The following ATG7 variants were observed in gnomAD, a reference collection of about 807,000 sequenced individuals.
ATG7 encodes autophagy related 7, also known as ubiquitin-like modifier-activating enzyme ATG7.
A neutral mutation model predicts 82.4 loss-of-function variants in ATG7; 70 were observed. That is an observed-to-expected ratio of 0.85 (90% CI 0.70 to 1.04). ATG7 has a LOEUF of 1.04. ATG7 is among the 50% of genes least tolerant of loss of function. The pLI is 0.00. For missense variants in ATG7, 792 were observed against 864.3 expected (o/e 0.92, Z 1.05); for synonymous variants, 287 against 313.0 (o/e 0.92, Z 0.88).
intron 20 of ATG7, among the ~76,000 whole-genome samples, chr3:11,504,162 A>T (rs1559764983): frequency 1.3e-5 from 2 of 152,212 alleles, no homozygotes; most frequent in Non-Finnish European, 2.9e-5. Context: ...GGGGGAAAAA[A>T]GTTGATATAC....
intron 19 of ATG7, among the ~76,000 whole-genome samples, chr3:11,421,063 CT>C (rs893849660): frequency 6.6e-6 from 1 of 151,258 alleles, no homozygotes; most frequent in Non-Finnish European, 1.5e-5. Flanking sequence ...CCACAAAATA[CT>C]TTTTTTTTGC....
intron 20 of ATG7, among the ~76,000 whole-genome samples, chr3:11,540,909 G>A (rs113150997): frequency 2.3e-5 from 3 of 128,516 alleles, no homozygotes; most frequent in Admixed American, 7.9e-5. Context: ...GCTTTTTTTG[G>A]GGGGGGGAGG....
At chr3:11,574,913 C>A in the ATG7 span, among the ~76,000 whole-genome samples, 2 of 151,646 alleles carry the variant, frequency 1.3e-5, no homozygotes, top group Non-Finnish European at 2.9e-5. Flanking sequence ...ATCTTATGCG[C>A]CTACATACAA....
intron 9 of ATG7, among the ~76,000 whole-genome samples, chr3:11,323,999 C>G (rs574309771): frequency 6.6e-6 from 1 of 152,320 alleles, no homozygotes; most frequent in East Asian, 1.9e-4. Context: ...TTTTCTTTCT[C>G]ACAGTGTACT....
intron 19 of ATG7, among the ~76,000 whole-genome samples, chr3:11,400,900 C>T (rs2079777092): frequency 6.6e-6 from 1 of 151,900 alleles, no homozygotes; most frequent in African/African-American, 2.4e-5. Flanking sequence ...ATTTTTTTAC[C>T]GTAAGTAATT....
At chr3:11,399,703 T>A (rs2079637415) in intron 19 of ATG7, among the ~76,000 whole-genome samples, 1 of 152,110 alleles carries the variant, frequency 6.6e-6, no homozygotes, top group Admixed American at 6.5e-5. Flanking sequence ...GCCTCCCGAG[T>A]AGCCGGGATT....
intron 4 of ATG7, 47 bp downstream of exon 4, chr3:11,298,902 C>T (rs772815385): frequency 3.2e-5 from 51 of 1,599,504 alleles, no homozygotes; most frequent in South Asian, 6.6e-5. Context: ...GTTATCCTCA[C>T]GGTCCTCCAG....
rs553900745 is a variant in ATG7, at chr3:11,352,357, G to A, written c.1284+4322G>A. ...AGCAGCATGATTTATAATTCTTTGG[G>A]TATATACCCAGTAATGGGATGGTTG... On this transcript the variant is annotated intron_variant, in intron 14 of 20. Coordinates refer to ENST00000693202, the MANE Select transcript of ATG7 (RefSeq NM_001349232.2). Among the ~76,000 whole-genome samples, 19 of 152,278 alleles carry A rather than the reference G, an allele frequency of 1.2e-4. No homozygotes were observed. The South Asian group carries it at 3.5e-3, about 28-fold the overall frequency.
chr3:11,534,798 T>C lies in ATG7; in HGVS notation c.2080-20013T>C, dbSNP rs77907666. ...TGTCTGCCTCGAGGCACCTGGCCAC[T>C]TTGGGACTGCACAGCACCCCTTCTA... is the stretch of plus-strand genomic sequence containing the variant. On this transcript the variant is annotated intron_variant, in intron 20 of 20. Coordinates refer to ENST00000693202, the MANE Select transcript of ATG7 (RefSeq NM_001349232.2). 8.5e-3 allele frequency among the ~76,000 whole-genome samples: 1,302 copies of C among 152,324 alleles called. 12 individuals carry two copies. Among genetic ancestry groups the C allele is most frequent in the Admixed American group, 0.011 (161 of 15,306 alleles).
intron 20 of ATG7, among the ~76,000 whole-genome samples, chr3:11,550,070 TTTATTA>T (rs762588147): frequency 7.2e-5 from 11 of 152,228 alleles, no homozygotes; most frequent in Non-Finnish European, 1.0e-4. Flanking sequence ...TTTTTGTCTC[TTTATTA>T]TTAAGTTGTA....
intron 13 of ATG7, among the ~76,000 whole-genome samples, chr3:11,344,509 T>A (rs1954182065): frequency 6.6e-6 from 1 of 152,206 alleles, no homozygotes; most frequent in African/African-American, 2.4e-5. Flanking sequence ...TAAACCCTAT[T>A]TGTACGTGGT....
At chr3:11,466,076 GTC>G (rs2086797949) in intron 20 of ATG7, among the ~76,000 whole-genome samples, 1 of 152,210 alleles carries the variant, frequency 6.6e-6, no homozygotes, top group Admixed American at 6.5e-5. Context: ...AGAACCTAAA[GTC>G]TGCGGCTTAT....
chr3:11,493,199 G>T (rs937427106), intron 20 of ATG7, among the ~76,000 whole-genome samples: 1 of 152,158 alleles, frequency 6.6e-6, no homozygotes, highest in East Asian at 1.9e-4. Flanking sequence ...GGGTGGGAAG[G>T]CCAGGTCACT....
At chr3:11,368,651 G>T in intron 18 of ATG7, among the ~76,000 whole-genome samples, 1 of 140,242 alleles carries the variant, frequency 7.1e-6, no homozygotes, top group Non-Finnish European at 1.6e-5. Flanking sequence ...AGGTGTGGTG[G>T]CACGCACCTG....
intron 17 of ATG7, among the ~76,000 whole-genome samples, chr3:11,363,711 G>T (rs928237083): frequency 3.9e-5 from 6 of 152,192 alleles, no homozygotes; most frequent in Non-Finnish European, 8.8e-5. Context: ...TCCAGACTAT[G>T]TTTAATGACT....
At chr3:11,567,081 G>C in the ATG7 span, among the ~76,000 whole-genome samples, 1 of 152,150 alleles carries the variant, frequency 6.6e-6, no homozygotes, top group Non-Finnish European at 1.5e-5. Context: ...CACCAGAGGG[G>C]GCCTGAGTGC....
At chr3:11,575,123 G>A in the ATG7 span, among the ~76,000 whole-genome samples, 1 of 152,104 alleles carries the variant, frequency 6.6e-6, no homozygotes, top group Non-Finnish European at 1.5e-5. Context: ...GATCTGCCTG[G>A]GGCCATGTGG....
intron 20 of ATG7, among the ~76,000 whole-genome samples, chr3:11,543,099 G>A (rs748920275): frequency 6.6e-6 from 1 of 151,950 alleles, no homozygotes; most frequent in Non-Finnish European, 1.5e-5. Context: ...CCGACCCCAC[G>A]GTGCAGGAGC....
chr3:11,446,670 G>A (rs1362557108), intron 20 of ATG7: 1 of 222,144 alleles, frequency 4.5e-6, no homozygotes, highest in Non-Finnish European at 9.2e-6. Flanking sequence ...ATGAATTCCT[G>A]ACTTTTGACT....
Sources: gnomAD v4.1 joint callset for allele counts (sites outside exome capture counted in the v4.1 genomes callset) on GRCh38, gnomAD v4.1.1 for gene constraint, MANE v1.5 for transcripts, NCBI Gene and HGNC (gene_info 2026-07-23, HGNC 2026-07-21) for gene names.